PEF1: variants seen among roughly 807,000 people sequenced by gnomAD.
PEF1 encodes the protein penta-EF-hand domain containing 1.
A neutral mutation model predicts 32.0 loss-of-function variants in PEF1; 17 were observed. The ratio of observed to expected loss-of-function variants is 0.53; its 90% CI spans 0.36 to 0.80. The LOEUF (loss-of-function observed/expected upper bound fraction) is 0.80. PEF1 is among the 30% of genes least tolerant of loss of function. The probability of loss-of-function intolerance (pLI) is 0.00; values close to 1 mark genes in which losing one functional copy is unlikely to be tolerated. For synonymous variants in PEF1, 130 were observed against 139.8 expected, an observed-to-expected ratio of 0.93 and a Z score of 0.50; for missense variants, 362 against 369.1, an observed-to-expected ratio of 0.98 and a Z score of 0.16.
In PEF1 at chr1:31,633,181, A is replaced by G. The variant is rs756996122; in HGVS notation, c.459T>C (p.Asp153=). 6.2e-7 allele frequency: 1 copy of G among 1,613,864 alleles called. No individual in the cohort carries two copies. Among genetic ancestry groups the G allele is most frequent in the Non-Finnish European group, 8.5e-7 (1 of 1,179,788 alleles). Residue 153 remains aspartate, a synonymous_variant, in exon 3 of 5, where the codon GAT becomes GAC. Transcript: ENST00000373703. ...LVNCNWSSFN[D]ETCLMMINMF... ...CACTTATCATCATGAGGCAGGTCTCATCATTGAATGAAGACCAATTGCAGT... is the reference window on the plus strand; with the variant it reads ...CACTTATCATCATGAGGCAGGTCTCGTCATTGAATGAAGACCAATTGCAGT...
chr1:31,631,273 A>T (rs535864486), intron 4 of PEF1, among the ~76,000 whole-genome samples: 1 of 152,344 alleles, frequency 6.6e-6, no homozygotes, highest in Admixed American at 6.5e-5. Flanking sequence ...GCTTAGCCTC[A>T]CTATCCCTAT....
chr1:31,635,382 A>G lies in PEF1; in HGVS notation c.165T>C (p.Tyr55=), dbSNP rs144194759. 161 of 1,613,500 alleles carry G rather than the reference A, an allele frequency of 1.0e-4. No homozygotes were observed. The highest frequency in any genetic ancestry group is 1.3e-4 in the Non-Finnish European group (155 of 1,179,828). The change falls in exon 2 of 5, where the codon TAT becomes TAC. Residue 55 remains tyrosine (Y), a synonymous_variant. Coordinates refer to ENST00000373703, the MANE Select transcript of PEF1 (RefSeq NM_012392.4). Reference sequence around the variant, plus strand: ...AGGGCCCTCCACCAGCTGGTGGTCCATAAGGCCCTCCAGGGGCAGGACCCC... The same window carrying G: ...AGGGCCCTCCACCAGCTGGTGGTCCGTAAGGCCCTCCAGGGGCAGGACCCC... The part of the protein sequence containing the change: ...GYGGPAPGGP[Y]GPPAGGGPYG...
chr1:31,632,541 A>G lies in PEF1; in HGVS notation c.579T>C (p.Tyr193=). The change falls in exon 4 of 5, where the codon TAT becomes TAC. Residue 193 remains tyrosine, a synonymous_variant. Coordinates refer to ENST00000373703, the MANE Select transcript of PEF1 (RefSeq NM_012392.4). ...IQQWKNLFQQ[Y]DRDRSGSISY... is the part of the protein sequence containing the mutation. The stretch of plus-strand genomic sequence containing the variant: ...TAATGGAGCCCGAGCGGTCCCGGTC[A>G]TACTGCTGGAAGAGGTTCTTCCACT... 6.2e-7 allele frequency: 1 copy of G among 1,614,252 alleles called. No homozygotes were observed.
chr1:31,641,211 G>A (rs1640382907), intron 1 of PEF1, among the ~76,000 whole-genome samples: 1 of 152,064 alleles, frequency 6.6e-6, no homozygotes, highest in Admixed American at 6.5e-5. Flanking sequence ...ATGGAGCTCC[G>A]TTCTGCTTAA....
chr1:31,633,266 G>C lies in PEF1; in HGVS notation c.374C>G (p.Ser125Trp). 1 of 1,613,954 alleles carries C rather than the reference G, an allele frequency of 6.2e-7. No individual in the cohort carries two copies. The change falls in exon 3 of 5, where the codon TCG (serine) becomes TGG (tryptophan). Residue 125 changes from serine to tryptophan, a missense_variant. Coordinates refer to ENST00000373703, the MANE Select transcript of PEF1 (RefSeq NM_012392.4). ...ATAGCCACTGTGATCTGAGTCCACC[G>C]ACTGGAACCAGGAGTAGGCCTCAGG... ...VDPEAYSWFQ[S>W]VDSDHSGYIS...
intron 2 of PEF1, among the ~76,000 whole-genome samples, chr1:31,634,182 G>A (rs961214997): frequency 1.3e-5 from 2 of 152,138 alleles, no homozygotes; most frequent in East Asian, 3.8e-4. Flanking sequence ...GGAAAAATCC[G>A]GGCAGGTTCT....
At chr1:31,630,898 A>G in intron 4 of PEF1, 56 bp from the exon 5 acceptor site, 2 of 1,376,630 alleles carry the variant, frequency 1.5e-6, no homozygotes, top group Admixed American at 1.9e-5. Context: ...GAGCACCTCC[A>G]TCAATCAGGA....
intron 1 of PEF1, among the ~76,000 whole-genome samples, chr1:31,643,225 GA>G (rs1640449994): frequency 6.6e-6 from 1 of 152,240 alleles, no homozygotes; most frequent in African/African-American, 2.4e-5. Flanking sequence ...ATATGTTTAA[GA>G]AATACTGCAT....
chr1:31,635,635 G>A (rs1200306050), intron 1 of PEF1, 113 bp from the exon 2 acceptor site: 1 of 1,101,696 alleles, frequency 9.1e-7, no homozygotes, highest in Non-Finnish European at 1.2e-6. Flanking sequence ...GATCCTATAG[G>A]TAGGGTTGGA....
chr1:31,632,959 C>T (rs954822497), intron 3 of PEF1, among the ~76,000 whole-genome samples, 200 bp downstream of exon 3: 1 of 152,168 alleles, frequency 6.6e-6, no homozygotes, highest in African/African-American at 2.4e-5. Flanking sequence ...TGTAACTAGG[C>T]AGGGTCTAGA....
intron 1 of PEF1, among the ~76,000 whole-genome samples, chr1:31,641,307 C>T (rs1412973800): frequency 6.6e-6 from 1 of 152,172 alleles, no homozygotes; most frequent in Non-Finnish European, 1.5e-5. Flanking sequence ...TTCTCTTTAG[C>T]CTAGATTACC....
chr1:31,644,628 G>A (rs1640502553), intron 1 of PEF1: 5 of 1,445,214 alleles, frequency 3.5e-6, no homozygotes, highest in African/African-American at 1.4e-5. Context: ...CGACGTCAAG[G>A]GGGCGCGACA....
At chr1:31,634,525 C>G (rs969653104) in intron 2 of PEF1, among the ~76,000 whole-genome samples, 2 of 152,080 alleles carry the variant, frequency 1.3e-5, no homozygotes, top group African/African-American at 4.8e-5. Flanking sequence ...CACAGAGAAA[C>G]GGATATTTAA....
chr1:31,638,679 C>T (rs1189471018), intron 1 of PEF1, among the ~76,000 whole-genome samples: 2 of 152,264 alleles, frequency 1.3e-5, no homozygotes, highest in Non-Finnish European at 2.9e-5. Flanking sequence ...CCTTTCTGTC[C>T]TGCATTTGAA....
chr1:31,638,727 C>CAAACACT (rs1640320164), intron 1 of PEF1, among the ~76,000 whole-genome samples: 1 of 152,238 alleles, frequency 6.6e-6, no homozygotes, highest in Non-Finnish European at 1.5e-5. Flanking sequence ...TTCACAAACA[C>CAAACACT]AAACACTACA....
chr1:31,639,221 A>G (rs1557588577), intron 1 of PEF1, among the ~76,000 whole-genome samples: 1 of 152,218 alleles, frequency 6.6e-6, no homozygotes, highest in African/African-American at 2.4e-5. Context: ...TCAGGGAATG[A>G]GTTAAACCGC....
chr1:31,632,316 G>T, intron 4 of PEF1, 179 bp downstream of exon 4: 1 of 1,087,138 alleles, frequency 9.2e-7, no homozygotes, highest in Non-Finnish European at 1.4e-6. Flanking sequence ...CCTGGCTCTT[G>T]GCTCAGTGCC....
intron 3 of PEF1, 136 bp from the exon 4 acceptor site, chr1:31,632,774 A>G: frequency 9.6e-7 from 1 of 1,040,702 alleles, no homozygotes; most frequent in Non-Finnish European, 1.4e-6. Flanking sequence ...TGAGGCCCAG[A>G]TGCCTGCACC....
chr1:31,633,352 C>CTACTG, intron 2 of PEF1, 38 bp from the exon 3 acceptor site: 1 of 1,573,080 alleles, frequency 6.4e-7, no homozygotes, highest in South Asian at 1.2e-5. Flanking sequence ...ACAGAAATGC[C>CTACTG]AGGAAGGGCC....
Sources: gnomAD v4.1 joint callset for allele counts (sites outside exome capture counted in the v4.1 genomes callset) on GRCh38, gnomAD v4.1.1 for gene constraint, MANE v1.5 for transcripts, NCBI Gene and HGNC (gene_info 2026-07-23, HGNC 2026-07-21) for gene names.